Variants in TIAM2 observed in about 807,000 individuals in gnomAD.
TIAM2 encodes the protein rho guanine nucleotide exchange factor TIAM2.
A neutral mutation model predicts 152.9 loss-of-function variants in TIAM2; 80 were observed. The observed-to-expected ratio is 0.52, with a 90% CI of 0.44 to 0.63. The LOEUF (loss-of-function observed/expected upper bound fraction) is 0.63. TIAM2 is among the 30% of genes least tolerant of loss of function. The pLI, the probability that TIAM2 is intolerant of heterozygous loss-of-function variation, is 0.00. For missense variants in TIAM2, 1,965 were observed against 2,120.1 expected (o/e 0.93, Z 1.44); for synonymous variants, 804 against 838.0 (o/e 0.96, Z 0.70).
chr6:155,003,948 A>T (rs1287546343), intron 1 of TIAM2, among the ~76,000 whole-genome samples: 2 of 151,892 alleles, frequency 1.3e-5, no homozygotes, highest in Non-Finnish European at 2.9e-5. Flanking sequence ...ACGGAGCGAG[A>T]CTCCATCTCT....
At chr6:155,226,909 C>T (rs1056206758) in intron 15 of TIAM2, among the ~76,000 whole-genome samples, 1 of 152,182 alleles carries the variant, frequency 6.6e-6, no homozygotes, top group African/African-American at 2.4e-5. Flanking sequence ...GCGCCCCTGT[C>T]TCTGTTGCTG....
intron 1 of TIAM2, among the ~76,000 whole-genome samples, chr6:155,000,074 G>A (rs1778288200): frequency 6.6e-6 from 1 of 152,346 alleles, no homozygotes; most frequent in South Asian, 2.1e-4. Context: ...ACAGTAAGAG[G>A]AGTTAGAAGC....
chr6:155,187,135 A>G (rs1274518178), intron 14 of TIAM2, among the ~76,000 whole-genome samples: 1 of 152,134 alleles, frequency 6.6e-6, no homozygotes, highest in African/African-American at 2.4e-5. Flanking sequence ...CCCCCTGTCG[A>G]GCACTTAAAA....
At chr6:154,999,173 A>G (rs1305018911) in intron 1 of TIAM2, among the ~76,000 whole-genome samples, 3 of 151,698 alleles carry the variant, frequency 2.0e-5, no homozygotes, top group Non-Finnish European at 4.4e-5. Flanking sequence ...TCTATTATAT[A>G]TTCAAAGACA....
At chr6:155,057,958 A>G (rs1777492407) in intron 1 of TIAM2, among the ~76,000 whole-genome samples, 1 of 152,150 alleles carries the variant, frequency 6.6e-6, no homozygotes, top group Non-Finnish European at 1.5e-5. Context: ...AATCCTTAAT[A>G]TCAAGATGGA....
chr6:155,072,643 G>A (rs576612307), intron 1 of TIAM2, among the ~76,000 whole-genome samples: 1 of 152,254 alleles, frequency 6.6e-6, no homozygotes, highest in East Asian at 1.9e-4. Context: ...TCTGGTAGGT[G>A]GGTAAGTGGG....
At chr6:155,053,421 T>C (rs985880781) in intron 1 of TIAM2, among the ~76,000 whole-genome samples, 1 of 151,138 alleles carries the variant, frequency 6.6e-6, no homozygotes, top group Non-Finnish European at 1.5e-5. Context: ...TCCCAAAGAC[T>C]TGGGATTATA....
intron 9 of TIAM2, among the ~76,000 whole-genome samples, chr6:155,169,584 A>C (rs1021194274): frequency 2.0e-5 from 3 of 152,188 alleles, no homozygotes; most frequent in African/African-American, 7.2e-5. Flanking sequence ...CAGGGTTGTC[A>C]GGGATCTTCA....
intron 1 of TIAM2, among the ~76,000 whole-genome samples, chr6:155,047,688 G>GAGAGAGAGAGAGGAGA (rs71023609): frequency 4.5e-5 from 2 of 44,684 alleles, no homozygotes; most frequent in African/African-American, 1.7e-4. Context: ...GAGAGAGAGA[G>GAGAGAGAGAGAGGAGA]GAGAGAGAGA....
chr6:155,062,158 A>C (rs1413247746), intron 1 of TIAM2, among the ~76,000 whole-genome samples: 1 of 127,366 alleles, frequency 7.9e-6, no homozygotes, highest in Non-Finnish European at 1.6e-5. Flanking sequence ...TTACTGGGTG[A>C]ATCAGTAGAC....
chr6:155,173,531 A>C (rs1053767531), intron 9 of TIAM2, among the ~76,000 whole-genome samples: 1 of 152,242 alleles, frequency 6.6e-6, no homozygotes, highest in Non-Finnish European at 1.5e-5. Context: ...GAGAGCATTA[A>C]GAACTTGACA....
At chr6:155,201,346 A>G (rs1387840548) in intron 14 of TIAM2, among the ~76,000 whole-genome samples, 1 of 152,206 alleles carries the variant, frequency 6.6e-6, no homozygotes, top group Non-Finnish European at 1.5e-5. Context: ...AGGGCTTTGA[A>G]CTTAAATTCA....
At chr6:155,187,131 G>T (rs1282112608) in intron 14 of TIAM2, among the ~76,000 whole-genome samples, 5 of 152,100 alleles carry the variant, frequency 3.3e-5, no homozygotes, top group Non-Finnish European at 7.3e-5. Context: ...ATAGCCCCCT[G>T]TCGAGCACTT....
chr6:155,257,099 C>CAGAG lies in TIAM2; in HGVS notation c.5087_5090dup (p.Ser1697ArgfsTer9). ...GTCAGTGAGGAGTGTTTTTATGAAA[C>CAGAG]AGAGAGCCACGGAAAATCATAGTAT... On this transcript the variant is annotated frameshift_variant, in exon 27 of 27. Coordinates refer to ENST00000682666, the MANE Select transcript of TIAM2 (RefSeq NM_012454.4). LOFTEE classifies it high-confidence loss of function. 6.2e-7 allele frequency: 1 copy of CAGAG among 1,601,182 alleles called. No homozygotes were observed. Among genetic ancestry groups the CAGAG allele is most frequent in the South Asian group, 1.1e-5 (1 of 90,816 alleles).
chr6:155,247,729 A>C (rs952797711), intron 19 of TIAM2, among the ~76,000 whole-genome samples: 3 of 152,188 alleles, frequency 2.0e-5, no homozygotes, highest in African/African-American at 7.2e-5. Flanking sequence ...AAAGTCAGAC[A>C]TTCCTGCATT....
At chr6:155,211,419 T>C (rs1193812618) in intron 15 of TIAM2, 112 bp downstream of exon 15, 11 of 749,582 alleles carry the variant, frequency 1.5e-5, no homozygotes, top group Non-Finnish European at 2.4e-5. Context: ...GGTCCAGCAG[T>C]TGATACAAAC....
At chr6:155,243,547 G>A (rs185722258) in intron 16 of TIAM2, among the ~76,000 whole-genome samples, 2 of 152,202 alleles carry the variant, frequency 1.3e-5, no homozygotes, top group East Asian at 1.9e-4. Context: ...TACTTTTGGG[G>A]TCAGGAATTT....
At chr6:155,151,544 G>C (rs1440094678) in intron 7 of TIAM2, among the ~76,000 whole-genome samples, 1 of 152,170 alleles carries the variant, frequency 6.6e-6, no homozygotes, top group Non-Finnish European at 1.5e-5. Context: ...AGCCCATAGT[G>C]GTCTTGTATG....
intron 21 of TIAM2, 64 bp from the exon 22 acceptor site, chr6:155,250,849 C>G: frequency 6.6e-7 from 1 of 1,507,306 alleles, no homozygotes; most frequent in East Asian, 2.3e-5. Context: ...ACATCACTAT[C>G]TAACAAGAGA....
Sources: gnomAD v4.1 joint callset for allele counts (sites outside exome capture counted in the v4.1 genomes callset) on GRCh38, gnomAD v4.1.1 for gene constraint, MANE v1.5 for transcripts, NCBI Gene and HGNC (gene_info 2026-07-23, HGNC 2026-07-21) for gene names.